The following MAP3K20 variants were observed in gnomAD, a reference collection of about 807,000 sequenced individuals.
MAP3K20 encodes the protein HCCS-4.
A neutral mutation model predicts 85.7 loss-of-function variants in MAP3K20; 40 were observed. The observed-to-expected ratio is 0.47, with a 90% CI of 0.36 to 0.61. MAP3K20 has a LOEUF of 0.61. Ranked by LOEUF, MAP3K20 falls within the 20% of genes least tolerant of loss-of-function variation. The pLI, the probability that MAP3K20 is intolerant of heterozygous loss-of-function variation, is 0.00. For missense variants in MAP3K20, 817 were observed against 961.7 expected (o/e 0.85, Z 1.99); for synonymous variants, 325 against 327.7 (o/e 0.99, Z 0.09).
intron 1 of MAP3K20, among the ~76,000 whole-genome samples, chr2:173,082,018 C>T (rs1687027746): frequency 6.7e-6 from 1 of 149,792 alleles, no homozygotes; most frequent in Non-Finnish European, 1.5e-5. Flanking sequence ...AACCAGGAAT[C>T]CTTTGTTTTT....
At chr2:173,160,295 G>GTA (rs1486811930) in intron 2 of MAP3K20, 2 of 152,122 alleles carry the variant, frequency 1.3e-5, no homozygotes, top group African/African-American at 4.8e-5. Flanking sequence ...CATGACCTGT[G>GTA]TATAACTCTC....
At chr2:173,161,571 C>G (rs1187970439) in intron 2 of MAP3K20, among the ~76,000 whole-genome samples, 1 of 152,124 alleles carries the variant, frequency 6.6e-6, no homozygotes, top group Non-Finnish European at 1.5e-5. Flanking sequence ...TTTTCTCACT[C>G]ATGTGGTATT....
At chr2:173,191,746 A>C (rs1690658045) in intron 7 of MAP3K20, among the ~76,000 whole-genome samples, 1 of 152,156 alleles carries the variant, frequency 6.6e-6, no homozygotes, top group Non-Finnish European at 1.5e-5. Context: ...CTGAAGCGTG[A>C]CTCTAAGGCA....
chr2:173,260,098 G>C (rs1022546133), intron 17 of MAP3K20, among the ~76,000 whole-genome samples: 12 of 152,168 alleles, frequency 7.9e-5, no homozygotes, highest in Non-Finnish European at 1.8e-4. Context: ...TGGGTGCAGT[G>C]GCTCACACCT....
At position 173,261,151 on chromosome 2, in the gene MAP3K20, G is replaced by A; in HGVS notation, c.1551+14G>A. The A allele has an allele frequency of 6.2e-7, 1 of 1,612,706 alleles. No individual in the cohort carries two copies. The highest frequency in any genetic ancestry group is 8.5e-7 in the Non-Finnish European group (1 of 1,179,132). ...GTCACATATGAGGTAAGCTCTGGGGGCAAGAGGCTGGTGGCCTCACCATCA... is the reference window on the plus strand; with the variant it reads ...GTCACATATGAGGTAAGCTCTGGGGACAAGAGGCTGGTGGCCTCACCATCA... On this transcript the variant is annotated intron_variant, in intron 18 of 19. Transcript: ENST00000375213.
chr2:173,132,961 A>G (rs751664820), intron 2 of MAP3K20, among the ~76,000 whole-genome samples: 21 of 152,220 alleles, frequency 1.4e-4, no homozygotes, highest in Non-Finnish European at 2.6e-4. Context: ...ACAGTACTTT[A>G]CATACAGTAG....
chr2:173,184,762 T>G (rs1305309657), intron 4 of MAP3K20, among the ~76,000 whole-genome samples: 3 of 151,624 alleles, frequency 2.0e-5, no homozygotes, highest in Non-Finnish European at 4.4e-5. Flanking sequence ...TACAAAAAAT[T>G]AGCTGGGCGT....
At chr2:173,260,993 C>A (rs1288110218) in intron 17 of MAP3K20, 70 bp from the exon 18 acceptor site, 2 of 1,453,442 alleles carry the variant, frequency 1.4e-6, no homozygotes, top group Non-Finnish European at 1.9e-6. Flanking sequence ...CACAACCGGC[C>A]TCAAAGAAAC....
At position 173,222,484 on chromosome 2, in the gene MAP3K20, G is replaced by A. The variant is rs1684278700; in HGVS notation, c.987+5234G>A. 3 of 985,732 alleles carry A rather than the reference G, an allele frequency of 3.0e-6. No individual in the cohort carries two copies. In the African/African-American group the frequency reaches 5.2e-5, roughly 17 times the overall value. The allele number at this position is 985,732 out of a possible 1,614,324, so 61.1% of individuals were successfully genotyped here. On this transcript the variant is annotated intron_variant, in intron 11 of 19. Transcript: ENST00000375213. ...ACAACACACTGTCATTTAAGGCTGT[G>A]CTTGTGCTTTATACAAAGAGAAAGA...
chr2:173,186,436 TA>T (rs1348514087), intron 4 of MAP3K20, among the ~76,000 whole-genome samples: 1 of 152,208 alleles, frequency 6.6e-6, no homozygotes, highest in Non-Finnish European at 1.5e-5. Context: ...ACATAATTAC[TA>T]ATACTTGTGT....
At chr2:173,245,984 G>A (rs561164073) in intron 16 of MAP3K20, among the ~76,000 whole-genome samples, 21 of 152,282 alleles carry the variant, frequency 1.4e-4, no homozygotes, top group African/African-American at 4.3e-4. Context: ...TGGAAGTTAC[G>A]ACAATCAAAC....
At chr2:173,236,721 G>A (rs926664642) in intron 14 of MAP3K20, among the ~76,000 whole-genome samples, 1 of 152,138 alleles carries the variant, frequency 6.6e-6, no homozygotes, top group Non-Finnish European at 1.5e-5. Flanking sequence ...TATATGAGAG[G>A]GAAAGATAAA....
In MAP3K20 at chr2:173,259,925, G is replaced by A. The variant is rs759162411; in HGVS notation, c.1476+1110G>A. ...TGAATATAAGTGTTTCTGCTATCAT[G>A]CCATACATACAAAATCACACAGCAA... On this transcript the variant is annotated intron_variant, in intron 17 of 19. Coordinates refer to ENST00000375213, the MANE Select transcript of MAP3K20 (RefSeq NM_016653.3). 3.9e-5 allele frequency among the ~76,000 whole-genome samples: 6 copies of A among 152,172 alleles called. No homozygotes were observed. The East Asian group carries it at 1.2e-3, about 29-fold the overall frequency.
chr2:173,111,776 G>C (rs1350214476), intron 2 of MAP3K20, among the ~76,000 whole-genome samples: 1 of 152,110 alleles, frequency 6.6e-6, no homozygotes, highest in Non-Finnish European at 1.5e-5. Context: ...CTGTTCCATT[G>C]GTCTATGTGC....
rs1421862769 is a variant in MAP3K20 at position 173,267,452 on chromosome 2, G to A, written c.*702G>A. ...TTATTTTAGTAAGATATTTGTGTCT[G>A]TATGATGGTCAGAGTTGAACTGATC... On this transcript the variant is annotated 3_prime_UTR_variant, in exon 20 of 20. Coordinates refer to ENST00000375213, the MANE Select transcript of MAP3K20 (RefSeq NM_016653.3). The A allele has an allele frequency of 6.6e-6, 1 of 152,054 alleles. No individual in the cohort carries two copies. Among genetic ancestry groups the A allele is most frequent in the Non-Finnish European group, 1.5e-5 (1 of 68,014 alleles). 9.4% of individuals were successfully genotyped at this position (152,054 alleles called of 1,614,324 possible).
chr2:173,188,451 T>C (rs201986343), intron 5 of MAP3K20, among the ~76,000 whole-genome samples: 2 of 152,304 alleles, frequency 1.3e-5, no homozygotes, highest in East Asian at 3.9e-4. Flanking sequence ...AAGCGAACTA[T>C]CTATTTTTAG....
chr2:173,261,189 A>T, intron 18 of MAP3K20, 52 bp downstream of exon 18: 1 of 1,568,496 alleles, frequency 6.4e-7, no homozygotes, highest in Non-Finnish European at 8.8e-7. Flanking sequence ...TAATGAATAT[A>T]AATTTATCTG....
At chr2:173,174,592 T>C (rs1047806232) in intron 3 of MAP3K20, among the ~76,000 whole-genome samples, 1 of 152,220 alleles carries the variant, frequency 6.6e-6, no homozygotes, top group Non-Finnish European at 1.5e-5. Flanking sequence ...ACATTTTCTT[T>C]ATCCAGTCTA....
intron 15 of MAP3K20, 127 bp from the exon 16 acceptor site, chr2:173,239,277 C>G: frequency 1.4e-6 from 1 of 718,144 alleles, no homozygotes; most frequent in Non-Finnish European, 2.2e-6. Context: ...GTAGCTTAAT[C>G]CAAAATAACC....
Sources: gnomAD v4.1 joint callset for allele counts (sites outside exome capture counted in the v4.1 genomes callset) on GRCh38, gnomAD v4.1.1 for gene constraint, MANE v1.5 for transcripts, NCBI Gene and HGNC (gene_info 2026-07-23, HGNC 2026-07-21) for gene names.